Variants in TCEA3 observed in about 807,000 individuals in gnomAD.
TCEA3 encodes transcription elongation factor A3, also known as transcription elongation factor A protein 3.
A neutral mutation model predicts 44.0 loss-of-function variants in TCEA3; 36 were observed. The ratio of observed to expected loss-of-function variants is 0.82; its 90% CI spans 0.63 to 1.08. TCEA3 has a LOEUF of 1.08. Ranked by LOEUF, TCEA3 falls within the 50% of genes least tolerant of loss-of-function variation. The pLI, the probability that TCEA3 is intolerant of heterozygous loss-of-function variation, is 0.00. For missense variants in TCEA3, 392 were observed against 441.2 expected (o/e 0.89, Z 1.00); for synonymous variants, 162 against 159.7 (o/e 1.01, Z -0.11).
At chr1:23,416,732 TC>T (rs1350556139) in intron 4 of TCEA3, among the ~76,000 whole-genome samples, 1 of 152,100 alleles carries the variant, frequency 6.6e-6, no homozygotes, top group African/African-American at 2.4e-5. Flanking sequence ...GCTCAAGTGA[TC>T]CTCCCGCCTC....
chr1:23,383,644 C>T (rs945972003), intron 10 of TCEA3: 3 of 985,438 alleles, frequency 3.0e-6, no homozygotes, highest in Non-Finnish European at 3.6e-6. Flanking sequence ...TTTTGGAGCA[C>T]CTGCAGCCTG....
intron 5 of TCEA3, among the ~76,000 whole-genome samples, chr1:23,402,428 T>C (rs529647231): frequency 6.6e-6 from 1 of 152,224 alleles, no homozygotes; most frequent in South Asian, 2.1e-4. Context: ...TGATGTAATC[T>C]CATGCCATGC....
intron 4 of TCEA3, chr1:23,410,775 T>C (rs1250435388): frequency 1.3e-5 from 2 of 152,106 alleles, no homozygotes; most frequent in South Asian, 2.1e-4. Context: ...CACTCCAGCC[T>C]AGGCAACAGA....
At chr1:23,384,197 G>A (rs556813637) in intron 10 of TCEA3, 149 bp downstream of exon 10, 20 of 1,494,856 alleles carry the variant, frequency 1.3e-5, no homozygotes, top group South Asian at 2.8e-5. Context: ...ACAGCAATCC[G>A]CCACTATCTC....
At chr1:23,423,827 C>T in intron 1 of TCEA3, 1 of 456,050 alleles carries the variant, frequency 2.2e-6, no homozygotes, top group Non-Finnish European at 4.4e-6. Flanking sequence ...TGGCCAGGAC[C>T]CTCCGGTAGG....
At chr1:23,390,863 G>A (rs953031285) in intron 8 of TCEA3, among the ~76,000 whole-genome samples, 8 of 152,188 alleles carry the variant, frequency 5.3e-5, no homozygotes, top group Non-Finnish European at 8.8e-5. Context: ...TGTGAATGCC[G>A]GTTCTCAGGG....
chr1:23,397,473 G>T, intron 7 of TCEA3, 72 bp downstream of exon 7: 2 of 1,437,290 alleles, frequency 1.4e-6, no homozygotes, highest in Non-Finnish European at 1.9e-6. Context: ...CACTCTCCCA[G>T]CTCGCTTGCA....
chr1:23,401,781 C>T (rs909646639), intron 5 of TCEA3, among the ~76,000 whole-genome samples: 6 of 152,162 alleles, frequency 3.9e-5, no homozygotes, highest in South Asian at 2.1e-4. Flanking sequence ...CCTGGGGCCA[C>T]GGACTGGTAC....
intron 8 of TCEA3, among the ~76,000 whole-genome samples, chr1:23,392,390 A>C (rs113947733): frequency 7.4e-3 from 52 of 7,018 alleles, no homozygotes; most frequent in African/African-American, 6.9e-3. Flanking sequence ...TCATACACAA[A>C]ACACACTCCA....
intron 4 of TCEA3, among the ~76,000 whole-genome samples, chr1:23,416,345 T>C (rs1639888763): frequency 6.6e-6 from 1 of 152,116 alleles, no homozygotes; most frequent in African/African-American, 2.4e-5. Flanking sequence ...CACTCTTATT[T>C]GTTTAGTTTT....
chr1:23,397,673 A>C, intron 6 of TCEA3, 72 bp from the exon 7 acceptor site: 2 of 1,603,960 alleles, frequency 1.2e-6, no homozygotes, highest in South Asian at 2.2e-5. Flanking sequence ...TGTACCTGGG[A>C]CTAGAGTGTT....
At chr1:23,392,931 C>T (rs1190390782) in intron 8 of TCEA3, among the ~76,000 whole-genome samples, 1 of 152,090 alleles carries the variant, frequency 6.6e-6, no homozygotes, top group Non-Finnish European at 1.5e-5. Context: ...ATTTATTGTG[C>T]ACTTTATTTC....
intron 4 of TCEA3, among the ~76,000 whole-genome samples, chr1:23,415,670 A>C (rs867684785): frequency 6.6e-6 from 1 of 152,248 alleles, no homozygotes; most frequent in Non-Finnish European, 1.5e-5. Flanking sequence ...CGTGCTAGGC[A>C]CTGTGGAGAT....
intron 9 of TCEA3, among the ~76,000 whole-genome samples, chr1:23,384,828 G>C (rs766960272): frequency 6.6e-6 from 1 of 151,836 alleles, no homozygotes; most frequent in African/African-American, 2.4e-5. Context: ...CACCACGCCC[G>C]GCTAATTTGG....
intron 8 of TCEA3, among the ~76,000 whole-genome samples, chr1:23,391,391 C>T (rs1348334572): frequency 3.9e-5 from 6 of 151,924 alleles, no homozygotes; most frequent in African/African-American, 1.2e-4. Context: ...AGCCACCTCA[C>T]GTGGCCTGTT....
intron 1 of TCEA3, 182 bp from the exon 2 acceptor site, chr1:23,419,321 TC>T: frequency 2.5e-6 from 1 of 392,158 alleles, no homozygotes; most frequent in Non-Finnish European, 4.5e-6. Context: ...TCTAACTTCA[TC>T]CCCCGCCACC....
intron 10 of TCEA3, among the ~76,000 whole-genome samples, chr1:23,381,746 C>T (rs1231540255): frequency 6.6e-6 from 1 of 152,226 alleles, no homozygotes; most frequent in Non-Finnish European, 1.5e-5. Flanking sequence ...TGGTCAAGAA[C>T]ATCACTGGGA....
intron 7 of TCEA3, among the ~76,000 whole-genome samples, chr1:23,395,379 GCATTGTTAGCACAGGGCCACTCC>G (rs1639185775): frequency 3.9e-5 from 6 of 152,246 alleles, no homozygotes; most frequent in Admixed American, 3.3e-4. Flanking sequence ...ACTTTTGGCT[GCATTGTTAGCACAGGGCCACTCC>G]AAAGAGGACA....
Position 23,424,596 on chromosome 1 carries a change from T to C in TCEA3, c.38A>G (p.Lys13Arg). Residue 13 changes from lysine (K) to arginine (R), a missense_variant, in exon 1 of 11, where the codon AAG becomes AGG. By Grantham distance (26) the Lys-to-Arg change is conservative (BLOSUM62 2). Transcript: ENST00000450454. ...CTTCCTGGCCACCATCTTCTCCAGCTTTTTGGCGATCCTCAGCAGCTCCTC... is the reference window on the plus strand; with the variant it reads ...CTTCCTGGCCACCATCTTCTCCAGCCTTTTGGCGATCCTCAGCAGCTCCTC... ...QEEELLRIAK[K>R]LEKMVARKNT... The C allele has an allele frequency of 6.2e-7, 1 of 1,608,450 alleles. No individual in the cohort carries two copies.
Sources: gnomAD v4.1 joint callset for allele counts (sites outside exome capture counted in the v4.1 genomes callset) on GRCh38, gnomAD v4.1.1 for gene constraint, MANE v1.5 for transcripts, NCBI Gene and HGNC (gene_info 2026-07-23, HGNC 2026-07-21) for gene names.